Variants in DUS3L observed in about 807,000 individuals in gnomAD.
DUS3L encodes the protein tRNA-dihydrouridine(47) synthase [NAD(P)(+)]-like.
DUS3L carries 62 observed loss-of-function variants against 74.6 expected under a neutral mutation model. The ratio of observed to expected loss-of-function variants is 0.83; its 90% CI spans 0.68 to 1.03. DUS3L has a LOEUF of 1.03. Ranked by LOEUF, DUS3L falls within the 50% of genes least tolerant of loss-of-function variation. The pLI is 0.00. For synonymous variants in DUS3L, 433 were observed against 395.7 expected (o/e 1.09, Z -1.12); for missense variants, 884 against 924.4 (o/e 0.96, Z 0.57).
At chr19:5,787,448 AGACGCC>A in intron 6 of DUS3L, 87 bp from the exon 7 acceptor site, 1 of 1,532,512 alleles carries the variant, frequency 6.5e-7, no homozygotes, top group Non-Finnish European at 9.0e-7. Flanking sequence ...CCCCACCAGG[AGACGCC>A]GACCTGCAGG....
chr19:5,788,331 G>C (rs754950443), intron 4 of DUS3L, 26 bp downstream of exon 4: 2 of 1,613,348 alleles, frequency 1.2e-6, no homozygotes, highest in Non-Finnish European at 1.7e-6. Flanking sequence ...CCTGCCACCC[G>C]ACCAGCCACC....
In DUS3L at chr19:5,788,112, A is replaced by C. The variant is rs767014289; in HGVS notation, c.1007T>G (p.Met336Arg). ...CTGCAGCAGGTTGGTGCAGACGGCC[A>C]TCTCTCCACATGTCACATCCGCCCC... is the stretch of plus-strand genomic sequence containing the variant. ...RFGADVTCGE[M>R]AVCTNLLQGQ... The change falls in exon 5 of 13, where the codon ATG becomes AGG. Residue 336 changes from methionine to arginine, a missense_variant. Met to Arg is a moderately conservative substitution (Grantham distance 91, BLOSUM62 -1). Transcript: ENST00000309061. 1.9e-6 allele frequency: 3 copies of C among 1,613,608 alleles called. No individual in the cohort carries two copies. Among genetic ancestry groups the C allele is most frequent in the Non-Finnish European group, 8.5e-7 (1 of 1,180,038 alleles).
In DUS3L at chr19:5,786,498, G is replaced by C. The variant is rs187270701; in HGVS notation, c.1531C>G (p.Gln511Glu). The change falls in exon 10 of 13, where the codon CAG becomes GAG. Residue 511 changes from glutamine to glutamate, a missense_variant. Coordinates refer to ENST00000309061, the MANE Select transcript of DUS3L (RefSeq NM_020175.3). ...LSFEDANRAM[Q>E]TGVTGIMIAR... Reference sequence around the variant, plus strand: ...ATCATGATCCCGGTGACACCAGTCTGCATGGCGCGGTTGGCATCCTCAAAT... The same window carrying C: ...ATCATGATCCCGGTGACACCAGTCTCCATGGCGCGGTTGGCATCCTCAAAT... 3 of 1,612,974 alleles carry C rather than the reference G, an allele frequency of 1.9e-6. No individual in the cohort carries two copies. In the African/African-American group the frequency reaches 4.0e-5, roughly 22 times the overall value.
At chr19:5,787,470 CA>C in intron 6 of DUS3L, 109 bp from the exon 7 acceptor site, 1 of 1,500,336 alleles carries the variant, frequency 6.7e-7, no homozygotes, top group Non-Finnish European at 9.2e-7. Context: ...GCAGGAAAGG[CA>C]GGGACTCCAG....
In DUS3L at chr19:5,787,076, GC is replaced by G; in HGVS notation, c.1373del (p.Gly458AlafsTer19). The G allele has an allele frequency of 6.5e-7, 1 of 1,545,678 alleles. No homozygotes were observed. On this transcript the variant is annotated frameshift_variant, in exon 8 of 13. Transcript: ENST00000309061. LOFTEE classifies it high-confidence loss of function. ...HRLLPELRDW[G>X]VALVTLHGRS... ...CAAGACCCACCGTGACGAGTGCCAC[GC>G]CCCAGTCCCGCAGCTCGGGCAGCAG...
In DUS3L at chr19:5,785,512, C is replaced by G. The variant is rs752833246; in HGVS notation, c.1752-1G>C. The stretch of plus-strand genomic sequence containing the variant: ...CTCCAGCAGCCCCACGGGCACGTAC[C>G]TGCGGCGGGTGGGCGGGCAGGACAG... On this transcript the variant is annotated splice_acceptor_variant, in intron 11 of 12. Transcript: ENST00000309061. LOFTEE classifies it high-confidence loss of function. 6.5e-7 allele frequency: 1 copy of G among 1,541,422 alleles called. No homozygotes were observed. The highest frequency in any genetic ancestry group is 8.7e-7 in the Non-Finnish European group (1 of 1,145,622).
intron 5 of DUS3L, 127 bp downstream of exon 5, chr19:5,787,897 G>T: frequency 6.8e-7 from 1 of 1,472,636 alleles, no homozygotes; most frequent in Non-Finnish European, 9.1e-7. Context: ...GTGGATCAGG[G>T]CATCACCCCC....
In DUS3L at chr19:5,789,133, G is replaced by C. The variant is rs2056883273; in HGVS notation, c.900+74C>G. On this transcript the variant is annotated intron_variant, in intron 3 of 12. Coordinates refer to ENST00000309061, the MANE Select transcript of DUS3L (RefSeq NM_020175.3). ...ACTCCCAGGCAGCTAGAACAGGAAC[G>C]TGGACACAGCTGGTATTTAATAGAC... is the stretch of plus-strand genomic sequence containing the variant. 4 of 1,489,168 alleles carry C rather than the reference G, an allele frequency of 2.7e-6. No homozygotes were observed. The East Asian group carries it at 7.4e-5, about 28-fold the overall frequency. 92.2% of individuals were successfully genotyped at this position (1,489,168 alleles called of 1,614,324 possible). A position where few individuals can be genotyped will look rare whatever the true frequency, so the allele number is the denominator to read the frequency against.
chr19:5,788,895 T>G (rs573265513), intron 3 of DUS3L, among the ~76,000 whole-genome samples: 4 of 152,174 alleles, frequency 2.6e-5, no homozygotes, highest in African/African-American at 9.6e-5. Flanking sequence ...TTAGTAGAGA[T>G]AGGGTTTCAC....
In DUS3L at chr19:5,789,003, G is replaced by A. The variant is rs563264006; in HGVS notation, c.900+204C>T. On this transcript the variant is annotated intron_variant, in intron 3 of 12. Coordinates refer to ENST00000309061, the MANE Select transcript of DUS3L (RefSeq NM_020175.3). ...ATTACAGGCGTGAGCCACCGCCCCCGGCCCTGTCCAGCTCTTTCTGTCCCC... is the reference window on the plus strand; with the variant it reads ...ATTACAGGCGTGAGCCACCGCCCCCAGCCCTGTCCAGCTCTTTCTGTCCCC... 8.3e-5 allele frequency: 55 copies of A among 659,748 alleles called. No individual in the cohort carries two copies. The South Asian group carries it at 1.5e-3, about 18-fold the overall frequency. The allele number at this position is 659,748 out of a possible 1,614,324, so 40.9% of individuals were successfully genotyped here. A position where few individuals can be genotyped will look rare whatever the true frequency, so the allele number is the denominator to read the frequency against.
In DUS3L at chr19:5,789,293, T is replaced by C. The variant is rs755865365; in HGVS notation, c.814A>G (p.Ser272Gly). ...CGCACGGGGCTGCTGGGAGGGGTGC[T>C]AGTGCCCGGCCCTGCGGGGACCTGC... ...AQQVPAGPGT[S>G]TPPSSPVRTC... Residue 272 changes from serine to glycine, a missense_variant, in exon 3 of 13, where the codon AGC (serine) becomes GGC (glycine). Coordinates refer to ENST00000309061, the MANE Select transcript of DUS3L (RefSeq NM_020175.3). The C allele has an allele frequency of 8.1e-6, 13 of 1,599,156 alleles. No individual in the cohort carries two copies. Among genetic ancestry groups the C allele is most frequent in the Admixed American group, 1.7e-5 (1 of 57,350 alleles).
intron 9 of DUS3L, 44 bp downstream of exon 9, chr19:5,786,705 C>T (rs1433683556): frequency 3.1e-6 from 5 of 1,599,116 alleles, no homozygotes; most frequent in Non-Finnish European, 4.3e-6. Flanking sequence ...TGTGAGTGAC[C>T]AAGGGTGGTA....
intron 1 of DUS3L, 50 bp downstream of exon 1, chr19:5,790,994 A>G (rs2056904905): frequency 6.6e-7 from 1 of 1,526,246 alleles, no homozygotes; most frequent in Non-Finnish European, 8.9e-7. Flanking sequence ...GGACCGCGCT[A>G]TGGGTGCCGG....
rs2144738526 is a variant in DUS3L, at chr19:5,790,089, G to A, written c.345C>T (p.Pro115=). ...GQNKGRPHVK[P]TNYDKNRLCP... is the part of the protein sequence containing the mutation. ...ACAGCCTGTTCTTGTCGTAGTTCGT[G>A]GGCTTCACATGGGGCCGGCCCTTGT... The change falls in exon 2 of 13, where the codon CCC becomes CCT. Residue 115 remains proline (P), a synonymous_variant. Coordinates refer to ENST00000309061, the MANE Select transcript of DUS3L (RefSeq NM_020175.3). 6.2e-7 allele frequency: 1 copy of A among 1,614,158 alleles called. No individual in the cohort carries two copies. The highest frequency in any genetic ancestry group is 1.3e-5 in the African/African-American group (1 of 75,042).
chr19:5,786,698 G>C (rs757515583), intron 9 of DUS3L, 51 bp downstream of exon 9: 1 of 1,595,342 alleles, frequency 6.3e-7, no homozygotes, highest in Non-Finnish European at 8.5e-7. Flanking sequence ...CCAGAGGTGT[G>C]AGTGACCAAG....
chr19:5,787,973 C>G lies in DUS3L; in HGVS notation c.1095+51G>C. 3 of 1,598,792 alleles carry G rather than the reference C, an allele frequency of 1.9e-6. No individual in the cohort carries two copies. In the South Asian group the frequency reaches 3.3e-5, roughly 18 times the overall value. ...GCAGACCTGGAACCTGGCTCTGAGA[C>G]AGGACGGCCGAGGGCCCCTCCACTC... On this transcript the variant is annotated intron_variant, in intron 5 of 12. Coordinates refer to ENST00000309061, the MANE Select transcript of DUS3L (RefSeq NM_020175.3).
Position 5,786,717 on chromosome 19 carries a change from G to T in DUS3L, c.1486+32C>A, listed in dbSNP as rs758516741. ...AGGTGTGAGTGACCAAGGGTGGTAGGGGAGAGGGAGGTGGCTTCCCGGAAC... is the reference window on the plus strand; with the variant it reads ...AGGTGTGAGTGACCAAGGGTGGTAGTGGAGAGGGAGGTGGCTTCCCGGAAC... On this transcript the variant is annotated intron_variant, in intron 9 of 12. Coordinates refer to ENST00000309061, the MANE Select transcript of DUS3L (RefSeq NM_020175.3). 7 of 1,604,882 alleles carry T rather than the reference G, an allele frequency of 4.4e-6. No homozygotes were observed. In the South Asian group the frequency reaches 7.8e-5, roughly 18 times the overall value.
Position 5,789,344 on chromosome 19 carries a change from G to T in DUS3L, c.763C>A (p.Pro255Thr). 1 of 1,601,980 alleles carries T rather than the reference G, an allele frequency of 6.2e-7. No homozygotes were observed. The highest frequency in any genetic ancestry group is 1.1e-5 in the South Asian group (1 of 89,972). Residue 255 changes from proline (P) to threonine (T), a missense_variant, in exon 3 of 13, where the codon CCC (proline) becomes ACC (threonine). Transcript: ENST00000309061. ...TGGGCACCACAGTTTTCCTGCCTGG[G>T]AGCGCCCTCGGCTGCCGTGCCCTCG... Reference protein sequence around the residue: ...VPEGTAAEGAPRQENCGAQQV... With the variant: ...VPEGTAAEGATRQENCGAQQV...
At chr19:5,789,793 C>G in intron 2 of DUS3L, 74 bp from the exon 3 acceptor site, 1 of 1,529,006 alleles carries the variant, frequency 6.5e-7, no homozygotes, top group Non-Finnish European at 8.8e-7. Flanking sequence ...GGTTCAAACT[C>G]TAGATCACCC....
Sources: gnomAD v4.1 joint callset for allele counts (sites outside exome capture counted in the v4.1 genomes callset) on GRCh38, gnomAD v4.1.1 for gene constraint, MANE v1.5 for transcripts, NCBI Gene and HGNC (gene_info 2026-07-23, HGNC 2026-07-21) for gene names.